The following SUGCT variants were observed in gnomAD, a reference collection of about 807,000 sequenced individuals.
The protein encoded by SUGCT is succinyl-CoA:glutarate-CoA transferase, also known as succinyl-CoA:glutarate CoA-transferase.
A neutral mutation model predicts 55.0 loss-of-function variants in SUGCT; 41 were observed. That is an observed-to-expected ratio of 0.74 (90% confidence interval 0.58 to 0.97). The LOEUF is 0.97. Among genes scored for constraint, SUGCT ranks in the 50% least tolerant of loss-of-function variants. SUGCT has a pLI of 0.00. For missense variants in SUGCT, 568 were observed against 547.8 expected, an observed-to-expected ratio of 1.04 and a Z score of -0.37; for synonymous variants, 187 against 200.4, an observed-to-expected ratio of 0.93 and a Z score of 0.56.
intron 13 of SUGCT, among the ~76,000 whole-genome samples, chr7:40,790,224 C>T (rs1317818823): frequency 6.6e-6 from 1 of 152,124 alleles, no homozygotes; most frequent in African/African-American, 2.4e-5. Context: ...TGTTCTCATG[C>T]TAGTGAGTGA....
At chr7:40,571,393 A>G (rs1796440969) in intron 12 of SUGCT, among the ~76,000 whole-genome samples, 1 of 152,238 alleles carries the variant, frequency 6.6e-6, no homozygotes, top group African/African-American at 2.4e-5. Flanking sequence ...ATTGTGAGAA[A>G]GTGTGAACTC....
rs200189348 is a variant in SUGCT, at chr7:40,236,224, AT to A, written c.485-1406del. ...AGGCGCCTACCACCACACCCAGCTAATTTTTGTGTTTTTAGTAGAGACGGGG... is the reference window on the plus strand; with the variant it reads ...AGGCGCCTACCACCACACCCAGCTAATTTTGTGTTTTTAGTAGAGACGGGG... On this transcript the variant is annotated intron_variant, in intron 6 of 13. Coordinates refer to ENST00000335693, the MANE Select transcript of SUGCT (RefSeq NM_001193313.2). Among the ~76,000 whole-genome samples, 936 of 151,750 alleles carry A rather than the reference AT, an allele frequency of 6.2e-3. 7 individuals are homozygous for A. Among genetic ancestry groups the A allele is most frequent in the African/African-American group, 0.022 (895 of 41,378 alleles).
At chr7:40,869,927 A>G in the SUGCT span, among the ~76,000 whole-genome samples, 1 of 152,314 alleles carries the variant, frequency 6.6e-6, no homozygotes, top group South Asian at 2.1e-4. Flanking sequence ...TCGTAACAGG[A>G]TGTACATGAT....
intron 13 of SUGCT, among the ~76,000 whole-genome samples, chr7:40,855,277 A>G (rs547211080): frequency 2.6e-4 from 39 of 151,580 alleles, no homozygotes; most frequent in African/African-American, 8.4e-4. Context: ...CTCAAAAAAA[A>G]AAAAGAAAAG....
At chr7:40,637,617 G>C (rs573558257) in intron 12 of SUGCT, among the ~76,000 whole-genome samples, 2 of 152,322 alleles carry the variant, frequency 1.3e-5, no homozygotes, top group East Asian at 3.9e-4. Context: ...CCCCACTTCA[G>C]CGTGATGGTC....
At chr7:40,931,217 A>T in the SUGCT span, among the ~76,000 whole-genome samples, 1,342 of 152,264 alleles carry the variant, frequency 8.8e-3, 7 homozygotes, top group Non-Finnish European at 0.013. Flanking sequence ...TATATGATGG[A>T]TTACATTTAT....
At chr7:40,611,859 A>C (rs905504149) in intron 12 of SUGCT, among the ~76,000 whole-genome samples, 3 of 152,216 alleles carry the variant, frequency 2.0e-5, no homozygotes, top group African/African-American at 2.4e-5. Flanking sequence ...TCACACAGCC[A>C]TTGAGTAGAA....
intron 8 of SUGCT, among the ~76,000 whole-genome samples, chr7:40,286,142 A>G (rs1157612426): frequency 6.6e-6 from 1 of 152,190 alleles, no homozygotes. Context: ...AATGAATGAT[A>G]GATAAGCCAG....
At chr7:40,331,863 A>G (rs574798295) in intron 9 of SUGCT, among the ~76,000 whole-genome samples, 4 of 152,292 alleles carry the variant, frequency 2.6e-5, no homozygotes, top group South Asian at 2.1e-4. Context: ...AATTTCCCTC[A>G]TGGTGATCAA....
chr7:40,531,401 T>C (rs1443362045), intron 12 of SUGCT, among the ~76,000 whole-genome samples: 2 of 152,086 alleles, frequency 1.3e-5, no homozygotes, highest in Non-Finnish European at 2.9e-5. Flanking sequence ...CCTCTCATTA[T>C]CACAGAGGAG....
At chr7:40,757,702 C>T (rs1191898808) in intron 13 of SUGCT, among the ~76,000 whole-genome samples, 1 of 152,018 alleles carries the variant, frequency 6.6e-6, no homozygotes, top group Non-Finnish European at 1.5e-5. Flanking sequence ...TTTAAATAAT[C>T]CGAGTGGACC....
chr7:40,565,658 T>C (rs1480080420), intron 12 of SUGCT, among the ~76,000 whole-genome samples: 1 of 152,166 alleles, frequency 6.6e-6, no homozygotes, highest in Non-Finnish European at 1.5e-5. Context: ...TGAGCGTGAA[T>C]TCCAGAGGTG....
intron 1 of SUGCT, among the ~76,000 whole-genome samples, chr7:40,139,825 T>C (rs540037360): frequency 1.3e-5 from 2 of 152,284 alleles, no homozygotes; most frequent in South Asian, 4.1e-4. Flanking sequence ...TCTAGAAGAG[T>C]TTCCCCTAGG....
At chr7:40,588,675 A>G (rs1259178020) in intron 12 of SUGCT, among the ~76,000 whole-genome samples, 1 of 152,204 alleles carries the variant, frequency 6.6e-6, no homozygotes, top group Admixed American at 6.5e-5. Flanking sequence ...AAGGTTTAAT[A>G]CCATCATATT....
chr7:40,370,830 T>C (rs900282868), intron 9 of SUGCT, among the ~76,000 whole-genome samples: 2 of 152,188 alleles, frequency 1.3e-5, no homozygotes, highest in African/African-American at 4.8e-5. Flanking sequence ...AACTGCTATT[T>C]GCATTTGTGG....
intron 13 of SUGCT, among the ~76,000 whole-genome samples, chr7:40,807,474 A>G (rs1201873610): frequency 2.0e-5 from 3 of 152,200 alleles, no homozygotes; most frequent in Admixed American, 1.3e-4. Context: ...CTCCGCAGAA[A>G]CAGGTGAAAG....
rs558149809 is a variant in SUGCT at position 40,517,587 on chromosome 7, T to C, written c.1089+21201T>C. 1.2e-4 allele frequency among the ~76,000 whole-genome samples: 18 copies of C among 152,284 alleles called. No homozygotes were observed. The East Asian group carries it at 3.5e-3, about 29-fold the overall frequency. ...TTGGTTTCCTTTAGCTGTCTGAACA[T>C]ATTTATAATGACTGTTTTGAAGATT... On this transcript the variant is annotated intron_variant, in intron 12 of 13. Transcript: ENST00000335693.
At chr7:40,710,073 C>G (rs1785630181) in intron 12 of SUGCT, among the ~76,000 whole-genome samples, 2 of 152,116 alleles carry the variant, frequency 1.3e-5, no homozygotes, top group African/African-American at 4.8e-5. Context: ...AAGGACAGGG[C>G]TGTACATAAA....
At chr7:40,932,632 G>C in the SUGCT span, among the ~76,000 whole-genome samples, 1 of 152,216 alleles carries the variant, frequency 6.6e-6, no homozygotes, top group East Asian at 1.9e-4. Flanking sequence ...TATATATTTA[G>C]GACAGTTAGC....
Sources: allele counts gnomAD v4.1 joint callset (sites outside exome capture counted in the v4.1 genomes callset), GRCh38; gene constraint gnomAD v4.1.1; transcripts MANE v1.5; gene names NCBI Gene and HGNC (gene_info 2026-07-23, HGNC 2026-07-21).